Variants in PPP6R3 observed in about 807,000 individuals in gnomAD.
PPP6R3 encodes serine/threonine-protein phosphatase 6 regulatory subunit 3.
In PPP6R3, 38 loss-of-function variants were observed where a neutral mutation model predicts 110.7. The observed-to-expected ratio is 0.34, with a 90% CI of 0.26 to 0.45. The LOEUF (loss-of-function observed/expected upper bound fraction) is 0.45, where lower values mean the gene tolerates loss of function less well. Among genes scored for constraint, PPP6R3 ranks in the 20% least tolerant of loss-of-function variants. PPP6R3 has a pLI of 1.00. For synonymous variants in PPP6R3, 369 were observed against 373.5 expected (o/e 0.99, Z 0.14); for missense variants, 870 against 1,062.4 (o/e 0.82, Z 2.52).
rs550276001 is a variant in PPP6R3, at chr11:68,614,539, C to T, written c.*1422C>T. ...AACAATTTTTTTAGAAGTAGCATCC[C>T]AAGCAGCGTGCCTAAACATTACATT... On this transcript the variant is annotated 3_prime_UTR_variant, in exon 24 of 24. Transcript: ENST00000393800. 148 of 1,458,630 alleles carry T rather than the reference C, an allele frequency of 1.0e-4. No homozygotes were observed. Among genetic ancestry groups the T allele is most frequent in the Non-Finnish European group, 1.3e-4 (146 of 1,113,258 alleles). 90.4% of individuals were successfully genotyped at this position (1,458,630 alleles called of 1,614,324 possible).
In PPP6R3 at chr11:68,537,883, C is replaced by G. The variant is rs775244575; in HGVS notation, c.219C>G (p.Ile73Met). The change falls in exon 3 of 24, where the codon ATC becomes ATG. Residue 73 changes from isoleucine (I) to methionine (M), a missense_variant. Physicochemically the swap from Ile to Met is conservative, Grantham distance 10. Coordinates refer to ENST00000393800, the MANE Select transcript of PPP6R3 (RefSeq NM_001164161.2). ...CACCTCAAGACATGGATGAAAAGAT[C>G]AGATACAAGTAAGACAATTCAATCT... is the stretch of plus-strand genomic sequence containing the variant. ...EEPPQDMDEK[I>M]RYKYPNISCE... The G allele has an allele frequency of 6.2e-7, 1 of 1,604,002 alleles. No homozygotes were observed. Among genetic ancestry groups the G allele is most frequent in the Admixed American group, 1.7e-5 (1 of 59,880 alleles).
intron 1 of PPP6R3, among the ~76,000 whole-genome samples, chr11:68,506,142 C>A: frequency 7.0e-6 from 1 of 142,298 alleles, no homozygotes. Flanking sequence ...TTGCAAAAAC[C>A]ACAATTACTT....
At chr11:68,513,937 C>G (rs2099123130) in intron 1 of PPP6R3, among the ~76,000 whole-genome samples, 1 of 152,212 alleles carries the variant, frequency 6.6e-6, no homozygotes, top group Non-Finnish European at 1.5e-5. Context: ...CTCTGAGCAA[C>G]TGCATATGTG....
rs1944553205 is a variant in PPP6R3, at chr11:68,613,681, GT to G, written c.*569del. The G allele has an allele frequency of 1.2e-5, 12 of 984,054 alleles. No homozygotes were observed. Among genetic ancestry groups the G allele is most frequent in the Non-Finnish European group, 1.3e-5 (11 of 828,312 alleles). 61.0% of individuals were successfully genotyped at this position (984,054 alleles called of 1,614,324 possible). On this transcript the variant is annotated 3_prime_UTR_variant, in exon 24 of 24. Coordinates refer to ENST00000393800, the MANE Select transcript of PPP6R3 (RefSeq NM_001164161.2). The stretch of plus-strand genomic sequence containing the variant: ...ATATTTGGTGTTCTTTTTATAACCA[GT>G]TTTTGATTGGTAATTGTTTTCTGTA...
intron 12 of PPP6R3, among the ~76,000 whole-genome samples, chr11:68,573,156 T>TATAAAA (rs1565936514): frequency 2.0e-5 from 1 of 49,544 alleles, no homozygotes; most frequent in African/African-American, 8.4e-5. Context: ...ATATATATAA[T>TATAAAA]TTTTTTTTTT....
chr11:68,488,212 T>A (rs995044781), intron 1 of PPP6R3, among the ~76,000 whole-genome samples: 2 of 152,256 alleles, frequency 1.3e-5, no homozygotes, highest in African/African-American at 4.8e-5. Flanking sequence ...TAACATGATA[T>A]ATCTTTTTCC....
intron 8 of PPP6R3, among the ~76,000 whole-genome samples, chr11:68,560,133 C>A (rs1243616136): frequency 3.3e-5 from 5 of 152,152 alleles, no homozygotes; most frequent in Non-Finnish European, 7.3e-5. Flanking sequence ...GATTTAAGCT[C>A]CTACCTTACA....
intron 21 of PPP6R3, 28 bp from the exon 22 acceptor site, chr11:68,603,314 G>T: frequency 6.2e-7 from 1 of 1,612,456 alleles, no homozygotes; most frequent in Non-Finnish European, 8.5e-7. Context: ...GGCTTGCTGT[G>T]TGTGACCATC....
At position 68,549,373 on chromosome 11, in the gene PPP6R3, G is replaced by T. The variant is rs149246038; in HGVS notation, c.552+1169G>T. Among the ~76,000 whole-genome samples, 581 of 152,314 alleles carry T rather than the reference G, an allele frequency of 3.8e-3. 2 individuals carry two copies. Among genetic ancestry groups the T allele is most frequent in the African/African-American group, 0.013 (557 of 41,576 alleles). ...GCCTATGAGGAGGAAGGTCTTTCAG[G>T]TGGTGCCCAGGGCAGGGCATGTTCC... On this transcript the variant is annotated intron_variant, in intron 5 of 23. Transcript: ENST00000393800.
chr11:68,613,355 AAAT>A lies in PPP6R3; in HGVS notation c.*242_*244del, dbSNP rs1944472823. 1 of 1,246,120 alleles carries A rather than the reference AAAT, an allele frequency of 8.0e-7. No individual in the cohort carries two copies. Among genetic ancestry groups the A allele is most frequent in the Non-Finnish European group, 1.0e-6 (1 of 994,188 alleles). The allele number at this position is 1,246,120 out of a possible 1,614,324, so 77.2% of individuals were successfully genotyped here. On this transcript the variant is annotated 3_prime_UTR_variant, in exon 24 of 24. Coordinates refer to ENST00000393800, the MANE Select transcript of PPP6R3 (RefSeq NM_001164161.2). The stretch of plus-strand genomic sequence containing the variant: ...GCGTATGTTTATATTGTATTGTTCT[AAAT>A]AATGGGTAGCCTGTGAAATAAGATC...
intron 1 of PPP6R3, among the ~76,000 whole-genome samples, chr11:68,498,653 G>A (rs1397131351): frequency 1.3e-5 from 2 of 152,164 alleles, no homozygotes; most frequent in Non-Finnish European, 2.9e-5. Flanking sequence ...AATTACTGAA[G>A]TCATTGCATA....
At chr11:68,504,455 C>CT (rs2099064643) in intron 1 of PPP6R3, among the ~76,000 whole-genome samples, 1 of 152,142 alleles carries the variant, frequency 6.6e-6, no homozygotes, top group Non-Finnish European at 1.5e-5. Context: ...TGTTAGGATT[C>CT]TTTCGAGTGG....
At position 68,588,041 on chromosome 11, in the gene PPP6R3, G is replaced by C. The variant is rs2099584102; in HGVS notation, c.1730+17G>C. On this transcript the variant is annotated intron_variant, in intron 16 of 23. Coordinates refer to ENST00000393800, the MANE Select transcript of PPP6R3 (RefSeq NM_001164161.2). ...CATTGGCAAGTGAGTATGTTTTTCT[G>C]TTTCCGCTGTTGCTCTTGCACACCC... is the stretch of plus-strand genomic sequence containing the variant. 1 of 1,596,106 alleles carries C rather than the reference G, an allele frequency of 6.3e-7. No homozygotes were observed.
intron 1 of PPP6R3, among the ~76,000 whole-genome samples, chr11:68,503,652 G>A (rs565172833): frequency 6.6e-6 from 1 of 152,364 alleles, no homozygotes; most frequent in South Asian, 2.1e-4. Flanking sequence ...TTTGGATTTA[G>A]CCTTGTCTGG....
intron 16 of PPP6R3, 103 bp from the exon 17 acceptor site, chr11:68,590,557 G>A (rs1200925323): frequency 5.7e-6 from 7 of 1,225,014 alleles, no homozygotes; most frequent in Non-Finnish European, 7.7e-6. Context: ...TAGAGATTTT[G>A]ATGATAGTGT....
chr11:68,535,254 T>C (rs1246800389), intron 2 of PPP6R3, among the ~76,000 whole-genome samples: 1 of 152,218 alleles, frequency 6.6e-6, no homozygotes, highest in African/African-American at 2.4e-5. Context: ...AGAGAAGTCC[T>C]GTTAGCCTAG....
At chr11:68,512,859 G>T (rs1403345414) in intron 1 of PPP6R3, among the ~76,000 whole-genome samples, 3 of 152,148 alleles carry the variant, frequency 2.0e-5, no homozygotes, top group Non-Finnish European at 4.4e-5. Flanking sequence ...ACAAGTGCTT[G>T]TCCATTCCTG....
intron 8 of PPP6R3, among the ~76,000 whole-genome samples, chr11:68,564,096 C>G (rs749962878): frequency 6.6e-6 from 1 of 152,166 alleles, no homozygotes; most frequent in African/African-American, 2.4e-5. Flanking sequence ...TTACCTGATA[C>G]TGTAGCTGTT....
chr11:68,475,982 G>T (rs2098828588), intron 1 of PPP6R3, among the ~76,000 whole-genome samples: 1 of 151,160 alleles, frequency 6.6e-6, no homozygotes, highest in African/African-American at 2.4e-5. Context: ...TCCCAGACTG[G>T]GCAGCCGGGC....
Sources: gnomAD v4.1 joint callset for allele counts (sites outside exome capture counted in the v4.1 genomes callset) on GRCh38, gnomAD v4.1.1 for gene constraint, MANE v1.5 for transcripts, NCBI Gene and HGNC (gene_info 2026-07-23, HGNC 2026-07-21) for gene names.